Variants in KIF14 observed in about 807,000 individuals in gnomAD.
The protein encoded by KIF14 is kinesin-like protein KIF14.
Under a neutral mutation model 176.2 loss-of-function variants are expected in KIF14, and 98 were observed. That is an observed-to-expected ratio of 0.56 (90% confidence interval 0.47 to 0.66). The LOEUF (loss-of-function observed/expected upper bound fraction) is 0.66. KIF14 is among the 30% of genes least tolerant of loss of function. KIF14 has a pLI of 0.00. For missense variants in KIF14, 1,751 were observed against 1,920.4 expected (o/e 0.91, Z 1.65); for synonymous variants, 566 against 632.2 (o/e 0.90, Z 1.57).
chr1:200,574,861 C>T (rs982032690), intron 22 of KIF14, among the ~76,000 whole-genome samples: 6 of 151,268 alleles, frequency 4.0e-5, no homozygotes, highest in Admixed American at 3.3e-4. Context: ...GGAGTTCATA[C>T]TAGCTTTACT....
intron 7 of KIF14, 95 bp downstream of exon 7, chr1:200,605,769 T>G: frequency 1.3e-6 from 1 of 767,996 alleles, no homozygotes; most frequent in Non-Finnish European, 2.1e-6. Context: ...AACTAACCTT[T>G]TATTTGTAAA....
chr1:200,581,246 G>C lies in KIF14; in HGVS notation c.3290C>G (p.Ala1097Gly). ...SMKLSMMIQE[A>G]NAISSKLKTY... ...TTTCAATTTGCTGCTGATAGCATTG[G>C]CTTCCTGAATCATCATTGAGAGTTT... The change falls in exon 20 of 30, where the codon GCC becomes GGC. Residue 1097 changes from alanine (A) to glycine (G), a missense_variant. By Grantham distance (60) the Ala-to-Gly change is moderately conservative. Transcript: ENST00000367350. The C allele has an allele frequency of 6.2e-7, 1 of 1,604,670 alleles. No individual in the cohort carries two copies. Among genetic ancestry groups the C allele is most frequent in the Non-Finnish European group, 8.5e-7 (1 of 1,176,248 alleles).
In KIF14 at chr1:200,575,704, T is replaced by C. The variant is rs1380247332; in HGVS notation, c.3466-13A>G. ...TACTACCATTACTCTAAGAAAAATA[T>C]AATATATAGTTTCAGTAAATTTGGG... On this transcript the variant is annotated splice_polypyrimidine_tract_variant and intron_variant, in intron 21 of 29. Coordinates refer to ENST00000367350, the MANE Select transcript of KIF14 (RefSeq NM_014875.3). 7.2e-7 allele frequency: 1 copy of C among 1,397,086 alleles called. No homozygotes were observed. Among genetic ancestry groups the C allele is most frequent in the Non-Finnish European group, 9.7e-7 (1 of 1,031,862 alleles). 86.5% of individuals were successfully genotyped at this position (1,397,086 alleles called of 1,614,324 possible). A position where few individuals can be genotyped will look rare whatever the true frequency, so the allele number is the denominator to read the frequency against.
At chr1:200,559,757 CTT>C (rs377593729) in intron 26 of KIF14, among the ~76,000 whole-genome samples, 11 of 144,270 alleles carry the variant, frequency 7.6e-5, no homozygotes, top group African/African-American at 7.6e-5. Flanking sequence ...CAGTAACATT[CTT>C]TTTTTTTTTT....
chr1:200,606,983 A>G (rs974579424), intron 5 of KIF14, among the ~76,000 whole-genome samples, 185 bp from the exon 6 acceptor site: 2 of 151,610 alleles, frequency 1.3e-5, no homozygotes, highest in Non-Finnish European at 2.9e-5. Context: ...CAGCTTCAAT[A>G]TAAAAAACTG....
At chr1:200,603,695 C>T (rs985412951) in intron 9 of KIF14, 144 bp downstream of exon 9, 1 of 563,310 alleles carries the variant, frequency 1.8e-6, no homozygotes, top group African/African-American at 1.9e-5. Context: ...AAGTACGTAT[C>T]TCTTTTTCAA....
At chr1:200,587,361 A>G (rs1658805112) in intron 18 of KIF14, among the ~76,000 whole-genome samples, 1 of 151,850 alleles carries the variant, frequency 6.6e-6, no homozygotes, top group Non-Finnish European at 1.5e-5. Flanking sequence ...TAAAAATAAG[A>G]AAACCCCAAA....
chr1:200,555,382 T>C lies in KIF14; in HGVS notation c.4426A>G (p.Ile1476Val). ...SLENIFAESK[I>V]KSFRRQVQEE... is the part of the protein sequence containing the mutation. ...AATCAATTTAAAGCTTCTCTTACAA[T>C]TTTCGATTCAGCAAAGATGTTTTCA... Residue 1476 changes from isoleucine (I) to valine (V), a missense_variant and splice_region_variant, in exon 28 of 30, where the codon ATT becomes GTT. Ile to Val is a conservative substitution (Grantham distance 29). Transcript: ENST00000367350. The C allele has an allele frequency of 6.4e-7, 1 of 1,556,292 alleles. No homozygotes were observed. The highest frequency in any genetic ancestry group is 8.7e-7 in the Non-Finnish European group (1 of 1,146,222).
In KIF14 at chr1:200,565,674, A is replaced by T; in HGVS notation, c.3662-5T>A. On this transcript the variant is annotated splice_polypyrimidine_tract_variant and splice_region_variant and intron_variant, in intron 23 of 29. Coordinates refer to ENST00000367350, the MANE Select transcript of KIF14 (RefSeq NM_014875.3). ...TGCTTGATTTGTCCATTAAACCTAC[A>T]TCAACAGAAAATAGCCATTTTAAGC... 1 of 1,551,698 alleles carries T rather than the reference A, an allele frequency of 6.4e-7. No individual in the cohort carries two copies. Among genetic ancestry groups the T allele is most frequent in the Non-Finnish European group, 8.7e-7 (1 of 1,151,122 alleles).
At chr1:200,578,676 A>G (rs1658266614) in intron 21 of KIF14, among the ~76,000 whole-genome samples, 1 of 152,194 alleles carries the variant, frequency 6.6e-6, no homozygotes, top group Non-Finnish European at 1.5e-5. Flanking sequence ...AAATGCCTGT[A>G]TAACAAAATG....
chr1:200,607,713 T>G (rs1179650735), intron 5 of KIF14, among the ~76,000 whole-genome samples: 1 of 152,114 alleles, frequency 6.6e-6, no homozygotes, highest in African/African-American at 2.4e-5. Context: ...GACTTCCTTT[T>G]TTTTCTTGAA....
rs761423093 is a variant in KIF14 at position 200,589,382 on chromosome 1, A to G, written c.2962-13T>C. The G allele has an allele frequency of 9.5e-6, 15 of 1,579,344 alleles. No individual in the cohort carries two copies. The highest frequency in any genetic ancestry group is 1.2e-5 in the Non-Finnish European group (14 of 1,163,210). The stretch of plus-strand genomic sequence containing the variant: ...GAGACTCTTCTCTCTTTAAAGAACA[A>G]TAATAAAAAATATCTCAGGCAAAAA... On this transcript the variant is annotated splice_polypyrimidine_tract_variant and intron_variant, in intron 17 of 29. Coordinates refer to ENST00000367350, the MANE Select transcript of KIF14 (RefSeq NM_014875.3).
rs1168249278 is a variant in KIF14 at position 200,559,445 on chromosome 1, A to G, written c.4238T>C (p.Phe1413Ser). Residue 1413 changes from phenylalanine (F) to serine (S), a missense_variant, in exon 27 of 30, where the codon TTC becomes TCC. By Grantham distance (155) the Phe-to-Ser change is radical. Transcript: ENST00000367350. ...NNKAASVQEE[F>S]MDAVCDGVGL... ...TACACCATCACAAACAGCATCCATGAATTCCTCCTAGAAAAAGAATTTAAG... is the reference window on the plus strand; with the variant it reads ...TACACCATCACAAACAGCATCCATGGATTCCTCCTAGAAAAAGAATTTAAG... 4 of 1,492,856 alleles carry G rather than the reference A, an allele frequency of 2.7e-6. No homozygotes were observed. The highest frequency in any genetic ancestry group is 3.6e-6 in the Non-Finnish European group (4 of 1,121,556). The allele number at this position is 1,492,856 out of a possible 1,614,324, so 92.5% of individuals were successfully genotyped here. A position where few individuals can be genotyped will look rare whatever the true frequency, so the allele number is the denominator to read the frequency against.
Position 200,553,369 on chromosome 1 carries a change from A to G in KIF14, c.*19T>C, listed in dbSNP as rs1470050775. On this transcript the variant is annotated 3_prime_UTR_variant, in exon 30 of 30. Transcript: ENST00000367350. Reference sequence around the variant, plus strand: ...TTTTTCTTTCATGGGTGGTCATAAAAGTGCCTACACATCAGTATTCACACC... The same window carrying G: ...TTTTTCTTTCATGGGTGGTCATAAAGGTGCCTACACATCAGTATTCACACC... 2 of 1,545,488 alleles carry G rather than the reference A, an allele frequency of 1.3e-6. No individual in the cohort carries two copies. The highest frequency in any genetic ancestry group is 1.7e-6 in the Non-Finnish European group (2 of 1,148,776).
chr1:200,559,729 C>T (rs896580023), intron 26 of KIF14, among the ~76,000 whole-genome samples: 1 of 151,634 alleles, frequency 6.6e-6, no homozygotes, highest in Non-Finnish European at 1.5e-5. Context: ...TTAAGCAGGG[C>T]TCTATATTGC....
intron 19 of KIF14, among the ~76,000 whole-genome samples, chr1:200,584,356 C>T (rs1466444582): frequency 2.0e-5 from 3 of 152,074 alleles, no homozygotes; most frequent in Non-Finnish European, 4.4e-5. Context: ...ATTCCTTTTG[C>T]AAGGCCAGCA....
chr1:200,614,325 G>A lies in KIF14; in HGVS notation c.1448C>T (p.Thr483Ile). ...DLFSQVARKQTQEVSYHIEMS... is the reference protein window; with the variant it reads ...DLFSQVARKQIQEVSYHIEMS... ...GGTATTATAAGAACATACCTCTTGG[G>A]TTTGTTTTCTGGCTACTTGAGAAAA... is the stretch of plus-strand genomic sequence containing the variant. The change falls in exon 4 of 30, where the codon ACC (threonine) becomes ATC (isoleucine). Residue 483 changes from threonine (T) to isoleucine (I), a missense_variant. Coordinates refer to ENST00000367350, the MANE Select transcript of KIF14 (RefSeq NM_014875.3). 6.3e-7 allele frequency: 1 copy of A among 1,586,678 alleles called. No homozygotes were observed. The highest frequency in any genetic ancestry group is 8.6e-7 in the Non-Finnish European group (1 of 1,156,244).
chr1:200,596,435 A>C (rs1160465568), intron 14 of KIF14, among the ~76,000 whole-genome samples: 1 of 152,142 alleles, frequency 6.6e-6, no homozygotes, highest in African/African-American at 2.4e-5. Flanking sequence ...AAAATAAATG[A>C]ATTTAGATCC....
intron 3 of KIF14, among the ~76,000 whole-genome samples, chr1:200,614,694 A>G (rs1334684392): frequency 7.6e-6 from 1 of 131,132 alleles, no homozygotes; most frequent in East Asian, 2.3e-4. Context: ...TCTGGAATAT[A>G]GTAAGAACTC....
Sources: gnomAD v4.1 joint callset for allele counts (sites outside exome capture counted in the v4.1 genomes callset) on GRCh38, gnomAD v4.1.1 for gene constraint, MANE v1.5 for transcripts, NCBI Gene and HGNC (gene_info 2026-07-23, HGNC 2026-07-21) for gene names.